Variants in CCDC146 observed in about 807,000 individuals in gnomAD.
The protein encoded by CCDC146 is coiled-coil domain-containing protein 146.
Under a neutral mutation model 119.3 loss-of-function variants are expected in CCDC146, and 92 were observed. The ratio of observed to expected loss-of-function variants is 0.77; its 90% CI spans 0.65 to 0.92. The LOEUF (loss-of-function observed/expected upper bound fraction) is 0.92. Ranked by LOEUF, CCDC146 falls within the 40% of genes least tolerant of loss-of-function variation. The pLI is 0.00. For missense variants in CCDC146, 1,000 were observed against 1,103.0 expected (o/e 0.91, Z 1.32); for synonymous variants, 372 against 371.8 (o/e 1.00, Z -0.01).
intron 1 of CCDC146, among the ~76,000 whole-genome samples, chr7:77,149,718 GA>G (rs1200863611): frequency 6.6e-6 from 1 of 151,412 alleles, no homozygotes; most frequent in East Asian, 1.9e-4. Context: ...TGAGCCCCGA[GA>G]TTGTGTCACT....
chr7:77,256,636 G>A, intron 6 of CCDC146, 127 bp downstream of exon 6: 1 of 711,728 alleles, frequency 1.4e-6, no homozygotes, highest in Non-Finnish European at 2.4e-6. Context: ...TATCTGCATT[G>A]CGATTGATCC....
chr7:77,271,511 GAGATATATATATATATATAT>G (rs1793515170), intron 9 of CCDC146, among the ~76,000 whole-genome samples: 2 of 66,880 alleles, frequency 3.0e-5, no homozygotes, highest in African/African-American at 6.7e-5. Flanking sequence ...ACACTAATAG[GAGATATATATATATATATAT>G]ATATATATAT....
chr7:77,262,456 A>C, intron 9 of CCDC146, 149 bp downstream of exon 9: 1 of 612,066 alleles, frequency 1.6e-6, no homozygotes. Context: ...CAAGCCTATT[A>C]TGAAATCTAT....
chr7:77,205,920 G>A (rs1014942830), intron 2 of CCDC146, among the ~76,000 whole-genome samples: 6 of 152,124 alleles, frequency 3.9e-5, no homozygotes, highest in Admixed American at 1.3e-4. Flanking sequence ...CCAAGAAAAA[G>A]CACAAGAATG....
chr7:77,196,781 G>A lies in CCDC146; in HGVS notation c.156+28957G>A. On this transcript the variant is annotated intron_variant, in intron 2 of 18. Transcript: ENST00000285871. This position sits in a 1 kb window ranked among gnomAD's most constrained non-coding sequence, Gnocchi z 4.2. ...TTCCCTTCTGAGGTTTCCAAAGCCTGCTTTGTAGTCTTGCCATGTTCTGGT... is the reference window on the plus strand; with the variant it reads ...TTCCCTTCTGAGGTTTCCAAAGCCTACTTTGTAGTCTTGCCATGTTCTGGT... The A allele has an allele frequency of 6.2e-7, 1 of 1,614,116 alleles. No homozygotes were observed. Among genetic ancestry groups the A allele is most frequent in the East Asian group, 2.2e-5 (1 of 44,874 alleles).
chr7:77,262,439 A>G, intron 9 of CCDC146, 132 bp downstream of exon 9: 1 of 663,926 alleles, frequency 1.5e-6, no homozygotes. Flanking sequence ...GTAATTTTCA[A>G]ATGCGTCAAG....
chr7:77,142,522 A>G (rs1201945517), intron 1 of CCDC146, among the ~76,000 whole-genome samples: 1 of 151,702 alleles, frequency 6.6e-6, no homozygotes, highest in East Asian at 1.9e-4. Context: ...CCATTAACTC[A>G]TCATTTACAT....
At chr7:77,261,463 ATTTTATT>A (rs890736361) in intron 8 of CCDC146, among the ~76,000 whole-genome samples, 18 of 152,166 alleles carry the variant, frequency 1.2e-4, no homozygotes, top group South Asian at 8.3e-4. Context: ...CATTCTTTTT[ATTTTATT>A]TTTTATTTTT....
intron 1 of CCDC146, among the ~76,000 whole-genome samples, chr7:77,153,555 A>G (rs989161965): frequency 3.4e-5 from 5 of 148,900 alleles, no homozygotes; most frequent in African/African-American, 1.2e-4. Flanking sequence ...AATATCAATC[A>G]TTAAGAAAAT....
intron 2 of CCDC146, among the ~76,000 whole-genome samples, chr7:77,190,373 T>C (rs1284648190): frequency 6.6e-6 from 1 of 152,240 alleles, no homozygotes; most frequent in Non-Finnish European, 1.5e-5. Flanking sequence ...TCTACATGTC[T>C]TCTCCAGCCT....
At chr7:77,133,653 T>C (rs1473433605) in intron 1 of CCDC146, among the ~76,000 whole-genome samples, 168 of 34,972 alleles carry the variant, frequency 4.8e-3, no homozygotes, top group Non-Finnish European at 6.3e-3. Flanking sequence ...CTGGAACACC[T>C]TTTTTTTTTT....
rs375735223 is a variant in CCDC146, at chr7:77,242,445, A to G, written c.449+545A>G. ...AAGGAGAAAAGGTATATCCTTTTGGAAGACACATTTACTTATCCAAATTTA... is the reference window on the plus strand; with the variant it reads ...AAGGAGAAAAGGTATATCCTTTTGGGAGACACATTTACTTATCCAAATTTA... On this transcript the variant is annotated intron_variant, in intron 4 of 18. Coordinates refer to ENST00000285871, the MANE Select transcript of CCDC146 (RefSeq NM_020879.3). The G allele has an allele frequency of 1.3e-4, 119 of 945,462 alleles. No homozygotes were observed. The African/African-American group carries it at 1.9e-3, about 15-fold the overall frequency. 58.6% of individuals were successfully genotyped at this position (945,462 alleles called of 1,614,324 possible).
chr7:77,244,729 T>C (rs1305393483), intron 4 of CCDC146, among the ~76,000 whole-genome samples: 2 of 152,146 alleles, frequency 1.3e-5, no homozygotes, highest in African/African-American at 4.8e-5. Context: ...TCTCAGAATA[T>C]ATTCCCATTG....
intron 13 of CCDC146, 122 bp downstream of exon 13, chr7:77,279,223 C>T (rs189954705): frequency 1.2e-6 from 1 of 814,078 alleles, no homozygotes; most frequent in Admixed American, 3.0e-5. Context: ...AAGATGGTGC[C>T]ACTGCCCTCC....
At chr7:77,274,700 G>T in intron 11 of CCDC146, 48 bp downstream of exon 11, 3 of 1,477,972 alleles carry the variant, frequency 2.0e-6, no homozygotes, top group Non-Finnish European at 2.8e-6. Flanking sequence ...AGAGTTCAGG[G>T]TAGCCTCATT....
chr7:77,130,665 C>T (rs1375124406), intron 1 of CCDC146, among the ~76,000 whole-genome samples: 1 of 143,172 alleles, frequency 7.0e-6, no homozygotes, highest in Non-Finnish European at 1.5e-5. Flanking sequence ...GTGGCGCGAT[C>T]TCGACTCACT....
intron 4 of CCDC146, among the ~76,000 whole-genome samples, chr7:77,247,547 A>C (rs1286352186): frequency 1.3e-5 from 2 of 152,266 alleles, no homozygotes; most frequent in Non-Finnish European, 2.9e-5. Flanking sequence ...AATCTATATT[A>C]AATTCAATGT....
At chr7:77,147,137 G>T (rs199800502) in intron 1 of CCDC146, among the ~76,000 whole-genome samples, 1 of 151,982 alleles carries the variant, frequency 6.6e-6, no homozygotes, top group East Asian at 1.9e-4. Flanking sequence ...CTAAACTTCT[G>T]TTCTTACTTC....
At chr7:77,224,266 G>A (rs1002136105) in intron 2 of CCDC146, among the ~76,000 whole-genome samples, 5 of 152,184 alleles carry the variant, frequency 3.3e-5, no homozygotes. Context: ...GGAGCATTTA[G>A]TTGCTTGCCT....
Sources: gnomAD v4.1 joint callset for allele counts (sites outside exome capture counted in the v4.1 genomes callset) on GRCh38, gnomAD v4.1.1 for gene constraint, Gnocchi (gnomAD v3.1) non-coding constraint, MANE v1.5 for transcripts, NCBI Gene and HGNC (gene_info 2026-07-23, HGNC 2026-07-21) for gene names.